ANK2: variants seen among roughly 807,000 people sequenced by gnomAD.
ANK2 encodes the protein ankyrin 2.
Under a neutral mutation model 360.5 loss-of-function variants are expected in ANK2, and 83 were observed. The ratio of observed to expected loss-of-function variants is 0.23; its 90% CI spans 0.19 to 0.28. The LOEUF (loss-of-function observed/expected upper bound fraction) is 0.28, where lower values mean the gene tolerates loss of function less well. Ranked by LOEUF, ANK2 falls within the 10% of genes least tolerant of loss-of-function variation. ANK2 has a pLI of 1.00. For synonymous variants in ANK2, 1,740 were observed against 1,759.5 expected, an observed-to-expected ratio of 0.99 and a Z score of 0.28; for missense variants, 4,201 against 4,795.7, an observed-to-expected ratio of 0.88 and a Z score of 3.66.
At chr4:113,156,717 G>T (rs10034436) in intron 1 of ANK2, among the ~76,000 whole-genome samples, 19,404 of 151,552 alleles carry the variant, frequency 0.13, 2,200 homozygotes, top group East Asian at 0.46. Context: ...TGTTAAGTTT[G>T]ACTAATGGGA....
intron 2 of ANK2, among the ~76,000 whole-genome samples, chr4:112,987,918 C>A (rs1346787202): frequency 6.6e-6 from 1 of 151,950 alleles, no homozygotes. Context: ...CCATTTCAGA[C>A]CCCAGAACTG....
At chr4:113,287,851 A>G in intron 19 of ANK2, 148 bp downstream of exon 19, 1 of 743,758 alleles carries the variant, frequency 1.3e-6, no homozygotes. Flanking sequence ...CCTATGCACA[A>G]ATCTATGGTG....
At position 113,289,459 on chromosome 4, in the gene ANK2, C is replaced by T. The variant is rs551695114; in HGVS notation, c.2277+973C>T. Among the ~76,000 whole-genome samples, 14 of 152,152 alleles carry T rather than the reference C, an allele frequency of 9.2e-5. No homozygotes were observed. In the East Asian group the frequency reaches 1.9e-3, roughly 21 times the overall value. On this transcript the variant is annotated intron_variant, in intron 20 of 45. Transcript: ENST00000357077. ...CCTGGGCTCAAGCGAAATTCTCCCACCTTGGCCAACCAAAGTGCTGGGATT... is the reference window on the plus strand; with the variant it reads ...CCTGGGCTCAAGCGAAATTCTCCCATCTTGGCCAACCAAAGTGCTGGGATT...
intron 1 of ANK2, chr4:113,117,111 G>A (rs954533831): frequency 2.7e-5 from 10 of 365,272 alleles, no homozygotes; most frequent in African/African-American, 2.1e-4. Context: ...GTGCTGCAGA[G>A]GCTGGAGCAA....
At chr4:112,773,305 A>G in the ANK2 span, among the ~76,000 whole-genome samples, 2 of 152,168 alleles carry the variant, frequency 1.3e-5, no homozygotes, top group Non-Finnish European at 2.9e-5. Context: ...TGACGGAGTG[A>G]GACCCTGTCT....
chr4:112,978,925 G>A (rs1013070349), intron 2 of ANK2, among the ~76,000 whole-genome samples: 1 of 152,194 alleles, frequency 6.6e-6, no homozygotes, highest in Non-Finnish European at 1.5e-5. Flanking sequence ...TCTTGACTCT[G>A]TAGATCACTA....
the ANK2 span, among the ~76,000 whole-genome samples, chr4:112,798,884 A>G: frequency 6.6e-6 from 1 of 152,188 alleles, no homozygotes; most frequent in African/African-American, 2.4e-5. Context: ...GGCATTAAGT[A>G]CATTCACAGT....
intron 1 of ANK2, among the ~76,000 whole-genome samples, chr4:113,110,049 C>T (rs761972821): frequency 3.3e-5 from 5 of 152,084 alleles, no homozygotes; most frequent in African/African-American, 9.7e-5. Flanking sequence ...GTTATTAGTC[C>T]GTTCTCATAC....
chr4:113,373,683 T>G (rs2096825787), intron 45 of ANK2: 1 of 708,948 alleles, frequency 1.4e-6, no homozygotes, highest in Non-Finnish European at 2.6e-6. Context: ...TTTTTAAAAA[T>G]ATCTATTCTT....
intron 2 of ANK2, among the ~76,000 whole-genome samples, chr4:112,906,497 G>T (rs909618024): frequency 2.6e-5 from 4 of 152,166 alleles, no homozygotes; most frequent in Non-Finnish European, 4.4e-5. Context: ...GAACAGTGCA[G>T]AAGAAGGAGA....
At chr4:112,859,862 T>A (rs2067425840) in intron 1 of ANK2, among the ~76,000 whole-genome samples, 1 of 152,218 alleles carries the variant, frequency 6.6e-6, no homozygotes, top group Non-Finnish European at 1.5e-5. Context: ...AATAGAAAGA[T>A]GATGTTTGAG....
intron 1 of ANK2, among the ~76,000 whole-genome samples, chr4:112,838,871 G>C (rs1034633092): frequency 6.6e-5 from 10 of 152,162 alleles, no homozygotes; most frequent in African/African-American, 2.2e-4. Context: ...ATCTTTTCTA[G>C]TAACTCACAA....
the ANK2 span, among the ~76,000 whole-genome samples, chr4:112,760,290 C>A: frequency 1.3e-5 from 2 of 151,780 alleles, no homozygotes; most frequent in Admixed American, 1.3e-4. Flanking sequence ...GGGTTCCCGC[C>A]ATTTTCCTGC....
chr4:112,988,119 T>G (rs1410862929), intron 2 of ANK2, among the ~76,000 whole-genome samples: 1 of 152,172 alleles, frequency 6.6e-6, no homozygotes, highest in Non-Finnish European at 1.5e-5. Flanking sequence ...AATAGCTATG[T>G]AAGTGGGGCT....
chr4:112,864,111 A>T (rs956482204), intron 1 of ANK2, among the ~76,000 whole-genome samples: 5 of 152,172 alleles, frequency 3.3e-5, no homozygotes, highest in Non-Finnish European at 7.4e-5. Flanking sequence ...AGAGCCAAAA[A>T]TTTTTTGTAG....
At chr4:113,326,194 ACT>A (rs1385135481) in intron 26 of ANK2, among the ~76,000 whole-genome samples, 1 of 152,048 alleles carries the variant, frequency 6.6e-6, no homozygotes, top group Non-Finnish European at 1.5e-5. Context: ...CTGTCTCCTA[ACT>A]CTACTACCTG....
Position 113,358,983 on chromosome 4 carries a change from G to A in ANK2, c.10365G>A (p.Gly3455=). 1 of 1,614,092 alleles carries A rather than the reference G, an allele frequency of 6.2e-7. No individual in the cohort carries two copies. The highest frequency in any genetic ancestry group is 8.5e-7 in the Non-Finnish European group (1 of 1,179,968). The part of the protein sequence containing the change: ...KSRSTTSSCR[G]GTSPTKESKE... ...GAAGCACTACATCTTCCTGCAGGGG[G>A]GGCACGAGCCCCACAAAAGAAAGTA... Residue 3455 remains glycine (G), a synonymous_variant, in exon 38 of 46, where the codon GGG becomes GGA. Transcript: ENST00000357077.
Position 113,355,228 on chromosome 4 carries a change from A to G in ANK2, c.6610A>G (p.Ser2204Gly), listed in dbSNP as rs1309949862. ...QSGALDGSSESLKNEGVAGSP... is the reference protein window; with the variant it reads ...QSGALDGSSEGLKNEGVAGSP... ...CGGTGCTTTAGATGGCAGTTCTGAA[A>G]GCCTAAAGAATGAGGGGGTAGCCGG... The change falls in exon 38 of 46, where the codon AGC becomes GGC. Residue 2204 changes from serine (S) to glycine (G), a missense_variant. Around this residue, in one of 4 missense-constraint regions of ANK2, gnomAD observed 2,642 missense variants for 2,714.5 expected, o/e 0.97. Coordinates refer to ENST00000357077, the MANE Select transcript of ANK2 (RefSeq NM_001148.6). 1 of 1,614,038 alleles carries G rather than the reference A, an allele frequency of 6.2e-7. No homozygotes were observed. Among genetic ancestry groups the G allele is most frequent in the African/African-American group, 1.3e-5 (1 of 74,944 alleles).
At chr4:113,201,794 A>G (rs779444644) in intron 4 of ANK2, among the ~76,000 whole-genome samples, 4 of 152,234 alleles carry the variant, frequency 2.6e-5, no homozygotes, top group Non-Finnish European at 5.9e-5. Flanking sequence ...AGAACAAGCT[A>G]AAACCATTTA....
Sources: gnomAD v4.1 joint callset for allele counts (sites outside exome capture counted in the v4.1 genomes callset) on GRCh38, gnomAD v4.1.1 for gene constraint, gnomAD v4.1.1 regional missense constraint, MANE v1.5 for transcripts, NCBI Gene and HGNC (gene_info 2026-07-23, HGNC 2026-07-21) for gene names.